ANKIB1: variants seen among roughly 807,000 people sequenced by gnomAD.
ANKIB1 encodes the protein ankyrin repeat and IBR domain-containing protein 1.
Under a neutral mutation model 122.1 loss-of-function variants are expected in ANKIB1, and 43 were observed. The ratio of observed to expected loss-of-function variants is 0.35; its 90% CI spans 0.28 to 0.45. ANKIB1 has a LOEUF of 0.45. Among genes scored for constraint, ANKIB1 ranks in the 20% least tolerant of loss-of-function variants. The pLI, the probability that ANKIB1 is intolerant of heterozygous loss-of-function variation, is 1.00. For synonymous variants in ANKIB1, 390 were observed against 442.0 expected, an observed-to-expected ratio of 0.88 and a Z score of 1.48; for missense variants, 992 against 1,329.5, an observed-to-expected ratio of 0.75 and a Z score of 3.95.
intron 11 of ANKIB1, among the ~76,000 whole-genome samples, chr7:92,376,345 T>A (rs1381154928): frequency 6.6e-6 from 1 of 152,242 alleles, no homozygotes; most frequent in Admixed American, 6.5e-5. Context: ...ATCTGTTGTT[T>A]AATGTAGCCA....
At chr7:92,286,129 A>G (rs958702219) in intron 1 of ANKIB1, among the ~76,000 whole-genome samples, 1 of 152,004 alleles carries the variant, frequency 6.6e-6, no homozygotes, top group African/African-American at 2.4e-5. Flanking sequence ...CATTCTCCTT[A>G]TTTTTCTCCA....
chr7:92,381,237 TG>T (rs1585135614), intron 11 of ANKIB1, among the ~76,000 whole-genome samples: 1 of 152,254 alleles, frequency 6.6e-6, no homozygotes, highest in East Asian at 1.9e-4. Context: ...AATAAGAGAC[TG>T]TGTGAAAACA....
chr7:92,289,057 A>G (rs190560212), intron 1 of ANKIB1, among the ~76,000 whole-genome samples: 3 of 152,202 alleles, frequency 2.0e-5, no homozygotes, highest in East Asian at 1.9e-4. Flanking sequence ...TTTAAAGCCT[A>G]TATATGAATG....
intron 4 of ANKIB1, among the ~76,000 whole-genome samples, chr7:92,321,421 ATTT>A (rs1240344988): frequency 6.6e-6 from 1 of 152,056 alleles, no homozygotes; most frequent in Non-Finnish European, 1.5e-5. Flanking sequence ...TGCTATAATT[ATTT>A]TATGTATTTT....
At position 92,392,284 on chromosome 7, in the gene ANKIB1, T is replaced by C; in HGVS notation, c.2275T>C (p.Ser759Pro). ...TWDWEYLGFA[S>P]PEEYAEFQYR... is the part of the protein sequence containing the mutation. ...GGATTGGGAATATTTAGGATTTGCA[T>C]CACCAGAGGTAATTGTTTTATGGGG... Residue 759 changes from serine (S) to proline (P), a missense_variant, in exon 17 of 20, where the codon TCA becomes CCA. Transcript: ENST00000265742. 6.2e-7 allele frequency: 1 copy of C among 1,610,342 alleles called. No homozygotes were observed. The highest frequency in any genetic ancestry group is 1.1e-5 in the South Asian group (1 of 90,454).
In ANKIB1 at chr7:92,287,762, G is replaced by T. The variant is rs913967980; in HGVS notation, c.-90-7127G>T. On this transcript the variant is annotated intron_variant, in intron 1 of 19. Coordinates refer to ENST00000265742, the MANE Select transcript of ANKIB1 (RefSeq NM_019004.2). ...ATAAAAGGAAAAAAAAAGGCCAGGC[G>T]TGGTGGCTCATGCCTGTAATCCCAG... 5.3e-5 allele frequency among the ~76,000 whole-genome samples: 8 copies of T among 152,172 alleles called. No individual in the cohort carries two copies. In the South Asian group the frequency reaches 1.0e-3, roughly 20 times the overall value.
chr7:92,261,230 T>G (rs1454702474), intron 1 of ANKIB1, among the ~76,000 whole-genome samples: 1 of 150,754 alleles, frequency 6.6e-6, no homozygotes, highest in Non-Finnish European at 1.5e-5. Context: ...GCGCCTGTAG[T>G]CCCAGCTACT....
intron 1 of ANKIB1, among the ~76,000 whole-genome samples, chr7:92,251,374 A>G (rs1244447406): frequency 6.6e-6 from 1 of 152,218 alleles, no homozygotes; most frequent in African/African-American, 2.4e-5. Context: ...TGGTAAAGGA[A>G]AGTATGTAAA....
rs921918331 is a variant in ANKIB1, at chr7:92,288,113, GA to G, written c.-90-6767del. On this transcript the variant is annotated intron_variant, in intron 1 of 19. Coordinates refer to ENST00000265742, the MANE Select transcript of ANKIB1 (RefSeq NM_019004.2). ...CTTTAGACAATCCCAAAAAATCCAT[GA>G]AAAAAAAACGAAATCTAGAACTAAT... Among the ~76,000 whole-genome samples, 349 of 141,424 alleles carry G rather than the reference GA, an allele frequency of 2.5e-3. 2 individuals carry two copies. Among genetic ancestry groups the G allele is most frequent in the African/African-American group, 8.5e-3 (327 of 38,258 alleles). The allele number at this position is 141,424 out of a possible 152,430, so 92.8% of individuals were successfully genotyped here.
intron 11 of ANKIB1, among the ~76,000 whole-genome samples, chr7:92,381,067 T>A (rs1424493085): frequency 6.6e-6 from 1 of 152,060 alleles, no homozygotes; most frequent in Non-Finnish European, 1.5e-5. Context: ...CTTAAATGAC[T>A]TGATGGAGCT....
chr7:92,287,278 C>T (rs1017707231), intron 1 of ANKIB1, among the ~76,000 whole-genome samples: 1 of 152,164 alleles, frequency 6.6e-6, no homozygotes, highest in African/African-American at 2.4e-5. Flanking sequence ...CAGTCTAGGG[C>T]CCTATATGGC....
chr7:92,267,823 A>T (rs753628721), intron 1 of ANKIB1, among the ~76,000 whole-genome samples: 1 of 152,154 alleles, frequency 6.6e-6, no homozygotes, highest in Non-Finnish European at 1.5e-5. Flanking sequence ...TTGATAGGTG[A>T]TCTAGGCCCT....
chr7:92,267,190 G>T (rs949660674), intron 1 of ANKIB1, among the ~76,000 whole-genome samples: 1 of 152,174 alleles, frequency 6.6e-6, no homozygotes, highest in Non-Finnish European at 1.5e-5. Context: ...TGGGATATTT[G>T]TGGAGTTTTT....
intron 3 of ANKIB1, among the ~76,000 whole-genome samples, chr7:92,318,540 A>G (rs1802840088): frequency 6.6e-6 from 1 of 152,164 alleles, no homozygotes; most frequent in African/African-American, 2.4e-5. Flanking sequence ...TGTGACTGTC[A>G]GGCTGTCCAT....
At chr7:92,386,751 T>TTTA in intron 12 of ANKIB1, 108 bp downstream of exon 12, 1 of 1,022,810 alleles carries the variant, frequency 9.8e-7, no homozygotes, top group Non-Finnish European at 1.3e-6. Context: ...TTAAATTGAA[T>TTTA]ATACTTTATT....
intron 3 of ANKIB1, among the ~76,000 whole-genome samples, chr7:92,308,437 A>G (rs902046257): frequency 3.3e-5 from 5 of 152,138 alleles, no homozygotes; most frequent in Admixed American, 2.6e-4. Flanking sequence ...AGTGGGACCT[A>G]TAGTTTATGT....
chr7:92,282,364 A>T (rs1243003624), intron 1 of ANKIB1, among the ~76,000 whole-genome samples: 2 of 152,108 alleles, frequency 1.3e-5, no homozygotes, highest in African/African-American at 4.8e-5. Context: ...CCTGTTGCCC[A>T]GGCTGGTCTT....
At chr7:92,394,700 G>A (rs1205056430) in intron 17 of ANKIB1, among the ~76,000 whole-genome samples, 2 of 152,076 alleles carry the variant, frequency 1.3e-5, no homozygotes, top group African/African-American at 2.4e-5. Flanking sequence ...GAGCCTTGAC[G>A]ACACTTAAGT....
intron 5 of ANKIB1, 52 bp downstream of exon 5, chr7:92,327,952 T>C: frequency 2.4e-6 from 3 of 1,243,454 alleles, no homozygotes; most frequent in Non-Finnish European, 3.3e-6. Context: ...CTTTTGAAAC[T>C]TCTGAGTTTT....
Sources: gnomAD v4.1 joint callset for allele counts (sites outside exome capture counted in the v4.1 genomes callset) on GRCh38, gnomAD v4.1.1 for gene constraint, MANE v1.5 for transcripts, NCBI Gene and HGNC (gene_info 2026-07-23, HGNC 2026-07-21) for gene names.